Variants in RHOBTB1 observed in about 807,000 individuals in gnomAD.
RHOBTB1 encodes the protein Rho related BTB domain containing 1.
RHOBTB1 carries 40 observed loss-of-function variants against 71.6 expected under a neutral mutation model. The observed-to-expected ratio is 0.56, with a 90% CI of 0.43 to 0.73. The LOEUF is 0.73. RHOBTB1 is among the 30% of genes least tolerant of loss of function. The pLI is 0.00. For missense variants in RHOBTB1, 797 were observed against 894.0 expected, an observed-to-expected ratio of 0.89 and a Z score of 1.38; for synonymous variants, 319 against 334.9, an observed-to-expected ratio of 0.95 and a Z score of 0.52.
intron 2 of RHOBTB1, among the ~76,000 whole-genome samples, chr10:60,962,586 C>T (rs1016802838): frequency 3.3e-5 from 5 of 152,020 alleles, no homozygotes; most frequent in African/African-American, 1.2e-4. Context: ...GTATTTTTTT[C>T]TGTATAAAAT....
intron 2 of RHOBTB1, among the ~76,000 whole-genome samples, chr10:60,917,001 G>T (rs2083302542): frequency 6.6e-6 from 1 of 152,224 alleles, no homozygotes; most frequent in African/African-American, 2.4e-5. Context: ...AGCTAGAAGA[G>T]GTAAGGCAAC....
At chr10:60,989,530 T>C (rs2134932451) in intron 1 of RHOBTB1, among the ~76,000 whole-genome samples, 1 of 152,326 alleles carries the variant, frequency 6.6e-6, no homozygotes, top group South Asian at 2.1e-4. Context: ...TCACTTCCTC[T>C]TCATAGGCAA....
At position 60,911,157 on chromosome 10, in the gene RHOBTB1, G is replaced by A. The variant is rs113103661; in HGVS notation, c.193-167C>T. Among the ~76,000 whole-genome samples the A allele has an allele frequency of 6.6e-3, 1,005 of 152,272 alleles. 6 individuals carry two copies. The highest frequency in any genetic ancestry group is 9.8e-3 in the Non-Finnish European group (665 of 68,018). On this transcript the variant is annotated intron_variant, in intron 3 of 10. Coordinates refer to ENST00000337910, the MANE Select transcript of RHOBTB1 (RefSeq NM_014836.5). Reference sequence around the variant, plus strand: ...CTTAATTCCCTTCCTGGAATCATCTGTCTCAACCCTCATTCAGGATACCAG... The same window carrying A: ...CTTAATTCCCTTCCTGGAATCATCTATCTCAACCCTCATTCAGGATACCAG...
At chr10:60,908,346 A>G (rs2082787206) in intron 4 of RHOBTB1, among the ~76,000 whole-genome samples, 1 of 152,236 alleles carries the variant, frequency 6.6e-6, no homozygotes, top group Non-Finnish European at 1.5e-5. Context: ...TTATTTTAAA[A>G]AGGTTTCGAA....
chr10:60,905,310 T>TGTG (rs759399432), intron 4 of RHOBTB1, among the ~76,000 whole-genome samples: 39 of 151,414 alleles, frequency 2.6e-4, no homozygotes, highest in Non-Finnish European at 5.5e-4. Flanking sequence ...ATTAGCTGGG[T>TGTG]GTGGTGGTGG....
downstream of RHOBTB1, among the ~76,000 whole-genome samples, chr10:60,868,563 T>G (rs2132117569): frequency 6.6e-6 from 1 of 152,336 alleles, no homozygotes; most frequent in South Asian, 2.1e-4. Context: ...TGAAAAAATC[T>G]CTTAGAAACA....
rs1385242137 is a variant in RHOBTB1 at position 60,976,168 on chromosome 10, T to C, written c.-62+9677A>G. ...GGAAAAGCCCAGGGGTACTAGATAT[T>C]GCAACGGTGGCACATAAGGAAAGCA... On this transcript the variant is annotated intron_variant, in intron 2 of 11. Coordinates refer to the RHOBTB1 transcript ENST00000357917. Among the ~76,000 whole-genome samples, 3 of 152,136 alleles carry C rather than the reference T, an allele frequency of 2.0e-5. No individual in the cohort carries two copies. In the East Asian group the frequency reaches 5.8e-4, roughly 29 times the overall value.
chr10:60,890,641 A>G (rs1348250016), intron 5 of RHOBTB1, among the ~76,000 whole-genome samples: 2 of 152,226 alleles, frequency 1.3e-5, no homozygotes, highest in African/African-American at 4.8e-5. Context: ...TTACCTTCTT[A>G]TATAAATATT....
chr10:60,884,483 T>C (rs942975297), intron 7 of RHOBTB1, among the ~76,000 whole-genome samples: 3 of 152,302 alleles, frequency 2.0e-5, no homozygotes, highest in South Asian at 2.1e-4. Context: ...AGTGCTTGAA[T>C]TGAATTTTTT....
chr10:60,926,172 G>A (rs935715038), intron 2 of RHOBTB1, among the ~76,000 whole-genome samples: 2 of 152,048 alleles, frequency 1.3e-5, no homozygotes, highest in African/African-American at 2.4e-5. Context: ...GGGAGGCAAG[G>A]GTTGCAGTAA....
chr10:60,918,971 C>T (rs1001366296), intron 2 of RHOBTB1, among the ~76,000 whole-genome samples: 2 of 152,106 alleles, frequency 1.3e-5, no homozygotes, highest in Non-Finnish European at 2.9e-5. Flanking sequence ...GTCTCAAACT[C>T]CTGACCTCAG....
At chr10:60,958,196 T>C (rs2085660300) in intron 2 of RHOBTB1, among the ~76,000 whole-genome samples, 3 of 152,168 alleles carry the variant, frequency 2.0e-5, no homozygotes, top group South Asian at 4.1e-4. Context: ...CATTTTTATA[T>C]GCATAAGGTT....
Position 60,886,185 on chromosome 10 carries a change from G to A in RHOBTB1, c.1502C>T (p.Pro501Leu), listed in dbSNP as rs753076884. The change falls in exon 7 of 11, where the codon CCG becomes CTG. Residue 501 changes from proline to leucine, a missense_variant. By Grantham distance (98) the Pro-to-Leu change is moderately conservative. Transcript: ENST00000337910. ...LDDGAISAHK[P>L]LLICSCEWMA... ...CCACTCACAGCTACAGATCAGCAGC[G>A]GCTTGTGGGCACTGATGGCTCCATC... 22 of 1,613,908 alleles carry A rather than the reference G, an allele frequency of 1.4e-5. No individual in the cohort carries two copies. The highest frequency in any genetic ancestry group is 1.6e-4 in the Middle Eastern group (1 of 6,078).
chr10:60,864,804 T>C (rs1002738240), downstream of RHOBTB1, among the ~76,000 whole-genome samples: 1 of 152,170 alleles, frequency 6.6e-6, no homozygotes, highest in African/African-American at 2.4e-5. Flanking sequence ...GTGATTCTCC[T>C]GCCTTAGCCT....
At chr10:60,888,060 G>T (rs2081677368) in intron 6 of RHOBTB1, 152 bp downstream of exon 6, 2 of 879,216 alleles carry the variant, frequency 2.3e-6, no homozygotes, top group Non-Finnish European at 3.4e-6. Flanking sequence ...GAGGATTAAA[G>T]AAGTTAATGC....
intron 2 of RHOBTB1, among the ~76,000 whole-genome samples, chr10:60,916,723 C>T (rs79756968): frequency 2.0e-5 from 3 of 152,134 alleles, no homozygotes; most frequent in East Asian, 1.9e-4. Flanking sequence ...AATACGTCCA[C>T]GGAATCCGCG....
intron 2 of RHOBTB1, among the ~76,000 whole-genome samples, chr10:60,966,154 G>A (rs2134594928): frequency 6.6e-6 from 1 of 152,074 alleles, no homozygotes; most frequent in East Asian, 1.9e-4. Flanking sequence ...TGAGATGTTT[G>A]CAAAAATTCT....
intron 2 of RHOBTB1, among the ~76,000 whole-genome samples, chr10:60,926,197 A>G (rs996003183): frequency 4.5e-4 from 68 of 152,322 alleles, no homozygotes; most frequent in South Asian, 2.1e-4. Flanking sequence ...AGATCGCACA[A>G]CTGCACTCCA....
At chr10:60,927,529 G>A (rs558174241) in intron 2 of RHOBTB1, among the ~76,000 whole-genome samples, 35 of 152,272 alleles carry the variant, frequency 2.3e-4, no homozygotes, top group African/African-American at 7.7e-4. Context: ...CTGACCAATG[G>A]AAGAGAATAG....
Sources: allele counts gnomAD v4.1 joint callset (sites outside exome capture counted in the v4.1 genomes callset), GRCh38; gene constraint gnomAD v4.1.1; transcripts MANE v1.5; gene names NCBI Gene and HGNC (gene_info 2026-07-23, HGNC 2026-07-21).